The following COMMD10 variants were observed in gnomAD, a reference collection of about 807,000 sequenced individuals.
COMMD10 encodes the protein COMM domain containing 10, also known as COMM domain-containing protein 10.
In COMMD10, 33 loss-of-function variants were observed where a neutral mutation model predicts 28.9. That is an observed-to-expected ratio of 1.14 (90% CI 0.87 to 1.53). COMMD10 has a LOEUF of 1.53. COMMD10 is among the 40% of genes most tolerant of loss of function. The pLI is 0.00. For synonymous variants in COMMD10, 110 were observed against 81.7 expected, an observed-to-expected ratio of 1.35 and a Z score of -1.87; for missense variants, 310 against 233.4, an observed-to-expected ratio of 1.33 and a Z score of -2.14.
At position 116,104,702 on chromosome 5, in the gene COMMD10, C is replaced by G. The variant is rs142170951; in HGVS notation, c.399+12002C>G. ...TGGCACGATGTCGGCTCACTGTAAGCTCCTCCTCCCGAGTTCATGCCATTC... is the reference window on the plus strand; with the variant it reads ...TGGCACGATGTCGGCTCACTGTAAGGTCCTCCTCCCGAGTTCATGCCATTC... On this transcript the variant is annotated intron_variant, in intron 4 of 6. Transcript: ENST00000274458. Among the ~76,000 whole-genome samples the G allele has an allele frequency of 2.4e-3, 371 of 152,100 alleles. 3 individuals are homozygous for G. Among genetic ancestry groups the G allele is most frequent in the African/African-American group, 8.6e-3 (355 of 41,514 alleles).
chr5:116,156,336 G>C (rs1406008357), intron 5 of COMMD10, among the ~76,000 whole-genome samples: 1 of 152,088 alleles, frequency 6.6e-6, no homozygotes, highest in African/African-American at 2.4e-5. Context: ...CTCAAATTCT[G>C]ATCTGAAAAT....
chr5:116,237,064 A>C (rs1214944098), intron 5 of COMMD10, among the ~76,000 whole-genome samples: 1 of 152,160 alleles, frequency 6.6e-6, no homozygotes, highest in Non-Finnish European at 1.5e-5. Context: ...CCTCATTGAG[A>C]AGCTGACGTG....
intron 4 of COMMD10, among the ~76,000 whole-genome samples, chr5:116,127,064 T>G (rs1411092460): frequency 1.3e-5 from 2 of 151,950 alleles, no homozygotes; most frequent in Non-Finnish European, 2.9e-5. Flanking sequence ...ACAAAGAACT[T>G]GAACAAATTT....
intron 4 of COMMD10, among the ~76,000 whole-genome samples, chr5:116,094,500 T>C (rs1015225356): frequency 6.6e-6 from 1 of 152,136 alleles, no homozygotes; most frequent in Non-Finnish European, 1.5e-5. Flanking sequence ...ATGGCTATTA[T>C]TAAAAAGAGA....
chr5:116,222,745 G>A (rs565657808), intron 5 of COMMD10, among the ~76,000 whole-genome samples: 10 of 152,246 alleles, frequency 6.6e-5, no homozygotes, highest in African/African-American at 2.4e-4. Context: ...AGGCTGGAAT[G>A]CAGTGGTGCC....
At chr5:116,150,005 C>T (rs1752467927) in intron 5 of COMMD10, among the ~76,000 whole-genome samples, 2 of 152,122 alleles carry the variant, frequency 1.3e-5, no homozygotes, top group Admixed American at 6.6e-5. Context: ...ACGTTTAAGT[C>T]TTTAATCCAT....
At chr5:116,151,171 G>C (rs528900717) in intron 5 of COMMD10, among the ~76,000 whole-genome samples, 1 of 151,754 alleles carries the variant, frequency 6.6e-6, no homozygotes, top group East Asian at 2.0e-4. Context: ...TTATTGATTT[G>C]CGTATATTGA....
At chr5:116,252,163 A>C (rs548911112) in intron 5 of COMMD10, among the ~76,000 whole-genome samples, 2 of 143,002 alleles carry the variant, frequency 1.4e-5, no homozygotes, top group East Asian at 2.0e-4. Context: ...TTTTTCTTGT[A>C]AATTTGTTTG....
At chr5:116,242,845 GA>G (rs1171422232) in intron 5 of COMMD10, among the ~76,000 whole-genome samples, 2 of 152,064 alleles carry the variant, frequency 1.3e-5, no homozygotes, top group Non-Finnish European at 2.9e-5. Context: ...GCTAATATAA[GA>G]AAAGTAAATA....
intron 5 of COMMD10, among the ~76,000 whole-genome samples, chr5:116,139,118 A>C (rs573458776): frequency 6.6e-5 from 10 of 151,854 alleles, no homozygotes; most frequent in African/African-American, 2.4e-4. Context: ...AGCAGTTGAA[A>C]TTGTAATATG....
intron 5 of COMMD10, among the ~76,000 whole-genome samples, chr5:116,155,156 T>C (rs1752666069): frequency 6.6e-6 from 1 of 152,136 alleles, no homozygotes; most frequent in South Asian, 2.1e-4. Context: ...TCACAGTCAC[T>C]CTAGGGCTTA....
Position 116,143,118 on chromosome 5 carries a change from C to T in COMMD10, c.510+8940C>T, listed in dbSNP as rs568009040. 5.2e-3 allele frequency among the ~76,000 whole-genome samples: 672 copies of T among 129,476 alleles called. 4 individuals are homozygous for T. Among genetic ancestry groups the T allele is most frequent in the African/African-American group, 0.016 (567 of 34,944 alleles). The allele number at this position is 129,476 out of a possible 152,430, so 84.9% of individuals were successfully genotyped here. A position where few individuals can be genotyped will look rare whatever the true frequency, so the allele number is the denominator to read the frequency against. The stretch of plus-strand genomic sequence containing the variant: ...GTGGTCAACATGACTTTTTAAAAGA[C>T]AATATTATGTAGTCAGGTATATTGA... On this transcript the variant is annotated intron_variant, in intron 5 of 6. Transcript: ENST00000274458.
At chr5:116,128,421 C>G (rs1751734130) in intron 4 of COMMD10, among the ~76,000 whole-genome samples, 2 of 151,518 alleles carry the variant, frequency 1.3e-5, no homozygotes, top group South Asian at 4.2e-4. Context: ...GTGTAAGGAC[C>G]CTCAGATTTA....
At chr5:116,190,465 T>C (rs1009052128) in intron 5 of COMMD10, among the ~76,000 whole-genome samples, 5 of 152,334 alleles carry the variant, frequency 3.3e-5, no homozygotes, top group Admixed American at 3.3e-4. Flanking sequence ...CCATATTTTA[T>C]AGTTTGATAA....
At chr5:116,174,645 G>A (rs1235504196) in intron 5 of COMMD10, among the ~76,000 whole-genome samples, 1 of 152,074 alleles carries the variant, frequency 6.6e-6, no homozygotes, top group African/African-American at 2.4e-5. Context: ...AGGATTTGTT[G>A]GTTAGATACA....
intron 5 of COMMD10, among the ~76,000 whole-genome samples, chr5:116,171,220 C>T (rs372530964): frequency 2.8e-4 from 43 of 152,008 alleles, no homozygotes; most frequent in Middle Eastern, 3.4e-3. Context: ...AGCAGACATA[C>T]GAAAAAAAGC....
Position 116,260,177 on chromosome 5 carries a change from G to T in COMMD10, c.511-31340G>T, listed in dbSNP as rs538942677. Among the ~76,000 whole-genome samples the T allele has an allele frequency of 5.9e-5, 9 of 151,846 alleles. No homozygotes were observed. In the East Asian group the frequency reaches 1.2e-3, roughly 20 times the overall value. On this transcript the variant is annotated intron_variant, in intron 5 of 6. Transcript: ENST00000274458. ...AAAAATACAGATTTTGAAATTAAGA[G>T]AACTAAGAGATGATGAAACCATTTC... is the stretch of plus-strand genomic sequence containing the variant.
chr5:116,217,880 A>G (rs1749146852), intron 5 of COMMD10: 4 of 599,728 alleles, frequency 6.7e-6, no homozygotes, highest in African/African-American at 1.9e-5. Flanking sequence ...CCACAAAACA[A>G]CAATGAAGTG....
At chr5:116,267,660 A>G (rs540023212) in intron 5 of COMMD10, among the ~76,000 whole-genome samples, 7 of 151,896 alleles carry the variant, frequency 4.6e-5, no homozygotes, top group South Asian at 2.1e-4. Context: ...AAGCCAAAAG[A>G]ACAAAGCTGG....
Sources: allele counts gnomAD v4.1 joint callset (sites outside exome capture counted in the v4.1 genomes callset), GRCh38; gene constraint gnomAD v4.1.1; transcripts MANE v1.5; gene names NCBI Gene and HGNC (gene_info 2026-07-23, HGNC 2026-07-21).